The following CCDC172 variants were observed in gnomAD, a reference collection of about 807,000 sequenced individuals.
CCDC172 encodes coiled-coil domain containing 172.
CCDC172 carries 30 observed loss-of-function variants against 38.0 expected under a neutral mutation model. The observed-to-expected ratio is 0.79, with a 90% CI of 0.59 to 1.07. CCDC172 has a LOEUF of 1.07. CCDC172 is among the 50% of genes least tolerant of loss of function. CCDC172 has a pLI of 0.00. For synonymous variants in CCDC172, 78 were observed against 88.3 expected, an observed-to-expected ratio of 0.88 and a Z score of 0.66; for missense variants, 297 against 290.1, an observed-to-expected ratio of 1.02 and a Z score of -0.17.
intron 5 of CCDC172, among the ~76,000 whole-genome samples, chr10:116,356,754 T>G (rs1285956788): frequency 6.6e-6 from 1 of 152,222 alleles, no homozygotes; most frequent in East Asian, 1.9e-4. Flanking sequence ...CTTGTAGCCA[T>G]ATTATGAGTA....
rs11197636 is a variant in CCDC172 at position 116,356,068 on chromosome 10, C to A, written c.449-1312C>A. ...AATATCTGGGCCGGGTGCAGTGGCT[C>A]ACACCTGTAATCCCAGCACTTTGGG... On this transcript the variant is annotated intron_variant, in intron 5 of 8. Transcript: ENST00000333254. 4.1e-3 allele frequency among the ~76,000 whole-genome samples: 628 copies of A among 152,192 alleles called. 3 individuals are homozygous for A. The highest frequency in any genetic ancestry group is 0.015 in the African/African-American group (604 of 41,536).
At chr10:116,342,903 C>T (rs940558722) in intron 5 of CCDC172, among the ~76,000 whole-genome samples, 1 of 152,220 alleles carries the variant, frequency 6.6e-6, no homozygotes, top group South Asian at 2.1e-4. Flanking sequence ...TTTTCTGAGG[C>T]CTCCCCAGCC....
At chr10:116,348,076 T>C (rs1432960431) in intron 5 of CCDC172, among the ~76,000 whole-genome samples, 2 of 152,156 alleles carry the variant, frequency 1.3e-5, no homozygotes, top group Non-Finnish European at 2.9e-5. Flanking sequence ...ACAAAAAGCA[T>C]ACTGACGCTT....
At chr10:116,353,304 A>T (rs369513905) in intron 5 of CCDC172, among the ~76,000 whole-genome samples, 221 of 152,318 alleles carry the variant, frequency 1.5e-3, no homozygotes, top group African/African-American at 5.1e-3. Flanking sequence ...CTTATAAGAA[A>T]ATACGGGTGT....
At chr10:116,325,500 C>T (rs150059691) in intron 3 of CCDC172, 112 bp downstream of exon 3, 1 of 772,340 alleles carries the variant, frequency 1.3e-6, no homozygotes, top group African/African-American at 1.8e-5. Flanking sequence ...AAGCACGTTA[C>T]TCTGTGCTGG....
At chr10:116,356,870 G>A (rs1463973436) in intron 5 of CCDC172, among the ~76,000 whole-genome samples, 4 of 152,066 alleles carry the variant, frequency 2.6e-5, no homozygotes, top group Non-Finnish European at 5.9e-5. Flanking sequence ...TCTTTTGGTA[G>A]GCTAACCATC....
intron 5 of CCDC172, among the ~76,000 whole-genome samples, chr10:116,342,658 C>T (rs999903539): frequency 2.6e-5 from 4 of 152,052 alleles, no homozygotes; most frequent in African/African-American, 9.7e-5. Flanking sequence ...GTCTGTGTCC[C>T]CATGCAAATG....
At position 116,357,451 on chromosome 10, in the gene CCDC172, G is replaced by A. The variant is rs890154839; in HGVS notation, c.520G>A (p.Glu174Lys). The A allele has an allele frequency of 5.1e-6, 8 of 1,578,142 alleles. No homozygotes were observed. Among genetic ancestry groups the A allele is most frequent in the Admixed American group, 1.9e-5 (1 of 53,108 alleles). ...AAAACAAAAGAGTGAATTGATACAA[G>A]AATTATTTACTCTCCAAAGAAAACT... is the stretch of plus-strand genomic sequence containing the variant. The part of the protein sequence containing the change: ...LQKQKSELIQ[E>K]LFTLQRKLKV... Residue 174 changes from glutamate (E) to lysine (K), a missense_variant, in exon 6 of 9, where the codon GAA becomes AAA. By Grantham distance (56) the Glu-to-Lys change is moderately conservative. Coordinates refer to ENST00000333254, the MANE Select transcript of CCDC172 (RefSeq NM_198515.3).
chr10:116,366,901 G>C (rs1845129626), intron 7 of CCDC172, among the ~76,000 whole-genome samples: 1 of 152,162 alleles, frequency 6.6e-6, no homozygotes, highest in South Asian at 2.1e-4. Flanking sequence ...GCCTTGTCCT[G>C]ACTACGTATA....
chr10:116,370,642 C>A lies in CCDC172; in HGVS notation c.654-7781C>A, dbSNP rs376098134. Among the ~76,000 whole-genome samples the A allele has an allele frequency of 4.1e-4, 62 of 150,296 alleles. 1 individual carries two copies. In the East Asian group the frequency reaches 8.9e-3, roughly 22 times the overall value. On this transcript the variant is annotated intron_variant, in intron 7 of 8. Transcript: ENST00000333254. ...GGATTTAGTGGTTGGTAGGGCTAGTCACTCCTTTTTTTTTTTCTTTCTCAG... is the reference window on the plus strand; with the variant it reads ...GGATTTAGTGGTTGGTAGGGCTAGTAACTCCTTTTTTTTTTTCTTTCTCAG...
chr10:116,333,203 A>G (rs547754008), intron 3 of CCDC172, among the ~76,000 whole-genome samples: 1 of 151,936 alleles, frequency 6.6e-6, no homozygotes, highest in African/African-American at 2.4e-5. Flanking sequence ...CATAGGGTTC[A>G]TGTTGTTATT....
intron 3 of CCDC172, among the ~76,000 whole-genome samples, chr10:116,338,587 C>T (rs905812712): frequency 3.3e-5 from 5 of 152,022 alleles, no homozygotes; most frequent in Admixed American, 6.5e-5. Context: ...ATATAGATTT[C>T]ATTTTTTAGG....
chr10:116,365,939 T>C (rs927503541), intron 7 of CCDC172, among the ~76,000 whole-genome samples: 1 of 152,146 alleles, frequency 6.6e-6, no homozygotes, highest in African/African-American at 2.4e-5. Context: ...TCTGGTGTGC[T>C]ATCCAATCTA....
rs564721677 is a variant in CCDC172, at chr10:116,352,202, A to C, written c.449-5178A>C. On this transcript the variant is annotated intron_variant, in intron 5 of 8. Coordinates refer to ENST00000333254, the MANE Select transcript of CCDC172 (RefSeq NM_198515.3). The stretch of plus-strand genomic sequence containing the variant: ...ATATTCTTCTAGACCTACCCTAAAA[A>C]ATTCTTATAAACAAGATTTGCACAT... Among the ~76,000 whole-genome samples the C allele has an allele frequency of 2.7e-3, 406 of 152,318 alleles. 3 individuals carry two copies. Among genetic ancestry groups the C allele is most frequent in the Non-Finnish European group, 3.8e-3 (260 of 68,024 alleles).
intron 1 of CCDC172, 55 bp from the exon 2 acceptor site, chr10:116,324,892 A>G (rs919508194): frequency 1.3e-6 from 1 of 789,430 alleles, no homozygotes; most frequent in Non-Finnish European, 2.1e-6. Flanking sequence ...GGTTGGAGAC[A>G]GGTCTATCTG....
intron 3 of CCDC172, among the ~76,000 whole-genome samples, chr10:116,334,353 A>G (rs1022467945): frequency 6.6e-6 from 1 of 152,206 alleles, no homozygotes; most frequent in Non-Finnish European, 1.5e-5. Flanking sequence ...TCTTTATAAA[A>G]GTAGTGTTTA....
intron 5 of CCDC172, among the ~76,000 whole-genome samples, chr10:116,348,746 C>T (rs2134935409): frequency 6.6e-6 from 1 of 152,320 alleles, no homozygotes; most frequent in Non-Finnish European, 1.5e-5. Context: ...CTTCCAGCCT[C>T]ACCCAGCAGC....
rs981460559 is a variant in CCDC172 at position 116,374,187 on chromosome 10, G to C, written c.654-4236G>C. Among the ~76,000 whole-genome samples the C allele has an allele frequency of 2.0e-5, 3 of 152,050 alleles. No homozygotes were observed. In the East Asian group the frequency reaches 5.8e-4, roughly 29 times the overall value. On this transcript the variant is annotated intron_variant, in intron 7 of 8. Transcript: ENST00000333254. Reference sequence around the variant, plus strand: ...GCTATCACAGTCTTTGTGGTAACCCGTATTGCACTTAATGATGAGCCCAAG... The same window carrying C: ...GCTATCACAGTCTTTGTGGTAACCCCTATTGCACTTAATGATGAGCCCAAG...
At position 116,379,616 on chromosome 10, in the gene CCDC172, G is replaced by A. The variant is rs554166827; in HGVS notation, c.*258G>A. 36 of 302,170 alleles carry A rather than the reference G, an allele frequency of 1.2e-4. No individual in the cohort carries two copies. Among genetic ancestry groups the A allele is most frequent in the Middle Eastern group, 2.0e-3 (2 of 996 alleles). 18.7% of individuals were successfully genotyped at this position (302,170 alleles called of 1,614,324 possible). The stretch of plus-strand genomic sequence containing the variant: ...AGGAAAAGGAGAAGAAGTAGATACC[G>A]TGTTCCCAGGCTTCTTATATGCCCC... On this transcript the variant is annotated 3_prime_UTR_variant, in exon 9 of 9. Transcript: ENST00000333254.
Sources: gnomAD v4.1 joint callset for allele counts (sites outside exome capture counted in the v4.1 genomes callset) on GRCh38, gnomAD v4.1.1 for gene constraint, MANE v1.5 for transcripts, NCBI Gene and HGNC (gene_info 2026-07-23, HGNC 2026-07-21) for gene names.